The following VPS54 variants were observed in gnomAD, a reference collection of about 807,000 sequenced individuals.
VPS54 encodes the protein vacuolar protein sorting-associated protein 54.
A neutral mutation model predicts 121.5 loss-of-function variants in VPS54; 45 were observed. That is an observed-to-expected ratio of 0.37 (90% CI 0.29 to 0.47). The LOEUF is 0.47. VPS54 is among the 20% of genes least tolerant of loss of function. The pLI is 0.99. For synonymous variants in VPS54, 371 were observed against 385.8 expected (o/e 0.96, Z 0.45); for missense variants, 1,090 against 1,131.4 (o/e 0.96, Z 0.52).
At chr2:63,980,178 G>A (rs1386197877) in intron 3 of VPS54, among the ~76,000 whole-genome samples, 1 of 152,096 alleles carries the variant, frequency 6.6e-6, no homozygotes, top group East Asian at 1.9e-4. Context: ...TTCTTGGTTA[G>A]CTGACCCTTT....
chr2:63,909,725 G>GTTTTTGTTTTTTTTTTTTTTT lies in VPS54; in HGVS notation c.2625+2619_2625+2620insAAAAAAAAAAAAAAACAAAAA, dbSNP rs747731456. ...AAGCGACCTCGCCTGGCCGTTTTTG[G>GTTTTTGTTTTTTTTTTTTTTT]TTTTTTTTTTTTTTTTGAGACAGAG... is the stretch of plus-strand genomic sequence containing the variant. On this transcript the variant is annotated intron_variant, in intron 20 of 22. Coordinates refer to ENST00000272322, the MANE Select transcript of VPS54 (RefSeq NM_016516.3). Among the ~76,000 whole-genome samples the GTTTTTGTTTTTTTTTTTTTTT allele has an allele frequency of 8.7e-5, 10 of 115,246 alleles. 1 individual carries two copies. Among genetic ancestry groups the GTTTTTGTTTTTTTTTTTTTTT allele is most frequent in the Non-Finnish European group, 1.8e-4 (10 of 55,532 alleles). 75.6% of individuals were successfully genotyped at this position (115,246 alleles called of 152,430 possible).
intron 3 of VPS54, chr2:63,974,888 T>G (rs1253177821): frequency 2.3e-5 from 30 of 1,320,256 alleles, no homozygotes; most frequent in Non-Finnish European, 3.1e-5. Flanking sequence ...CAGTTTTACT[T>G]CTTCCTAATT....
In VPS54 at chr2:63,923,919, C is replaced by T. The variant is rs184962082; in HGVS notation, c.1740-2584G>A. Among the ~76,000 whole-genome samples the T allele has an allele frequency of 2.6e-5, 4 of 152,236 alleles. No individual in the cohort carries two copies. In the East Asian group the frequency reaches 5.8e-4, roughly 22 times the overall value. On this transcript the variant is annotated intron_variant, in intron 12 of 22. Transcript: ENST00000272322. ...CACTTGCTACAGGAATAGTCAGAGC[C>T]GTTGTATGAAAGAACTAGTTAGACT...
intron 1 of VPS54, among the ~76,000 whole-genome samples, chr2:64,003,729 T>A (rs1203148366): frequency 2.6e-5 from 4 of 152,198 alleles, no homozygotes; most frequent in East Asian, 3.9e-4. Context: ...AAAAAAAGGA[T>A]TTCCAAGGAT....
At chr2:63,954,217 G>A (rs976154430) in intron 7 of VPS54, among the ~76,000 whole-genome samples, 3 of 152,058 alleles carry the variant, frequency 2.0e-5, no homozygotes, top group Admixed American at 1.3e-4. Context: ...CACAAAGTAA[G>A]AAAACTGTCA....
chr2:63,893,582 T>A lies in VPS54; in HGVS notation c.2829-47A>T, dbSNP rs753336713. The A allele has an allele frequency of 6.5e-7, 1 of 1,536,842 alleles. No homozygotes were observed. The highest frequency in any genetic ancestry group is 2.3e-5 in the East Asian group (1 of 44,420). On this transcript the variant is annotated intron_variant, in intron 22 of 22. Transcript: ENST00000272322. ...ATTTTTTAAATCTCAAACTTTCTATTCAGATAATTAAAGTAACAGTGCTCA... is the reference window on the plus strand; with the variant it reads ...ATTTTTTAAATCTCAAACTTTCTATACAGATAATTAAAGTAACAGTGCTCA...
intron 13 of VPS54, 117 bp from the exon 14 acceptor site, chr2:63,920,744 A>G: frequency 1.8e-6 from 1 of 552,396 alleles, no homozygotes; most frequent in East Asian, 4.4e-5. Context: ...ATATTTCCCA[A>G]TACTTCAGAC....
At chr2:63,942,382 T>G in intron 11 of VPS54, 83 bp downstream of exon 11, 1 of 942,758 alleles carries the variant, frequency 1.1e-6, no homozygotes. Context: ...TTATTCTAGT[T>G]TGAGTCTTTA....
chr2:63,924,327 G>C (rs75689842), intron 12 of VPS54, among the ~76,000 whole-genome samples: 2,005 of 152,318 alleles, frequency 0.013, 59 homozygotes, highest in African/African-American at 0.046. Flanking sequence ...TGGCCACTAG[G>C]ATGTGAGTGG....
intron 4 of VPS54, among the ~76,000 whole-genome samples, chr2:63,970,733 G>A (rs1234545053): frequency 6.6e-6 from 1 of 151,998 alleles, no homozygotes; most frequent in Non-Finnish European, 1.5e-5. Flanking sequence ...CTATCTCTCT[G>A]ACCACTTTTT....
chr2:63,948,676 C>G (rs949236601), intron 8 of VPS54, among the ~76,000 whole-genome samples: 6 of 152,132 alleles, frequency 3.9e-5, no homozygotes, highest in Non-Finnish European at 1.5e-5. Context: ...GCTGGGATTA[C>G]AGGCATGGAG....
intron 5 of VPS54, among the ~76,000 whole-genome samples, chr2:63,968,044 A>C (rs1676091402): frequency 2.6e-5 from 4 of 152,186 alleles, no homozygotes; most frequent in Admixed American, 2.0e-4. Flanking sequence ...CTTAAATGAC[A>C]AACTTTGAGT....
Position 63,947,349 on chromosome 2 carries a change from G to A in VPS54, c.1245+34C>T, listed in dbSNP as rs552172806. ...AAAAATAAACTTCACAAAGGTTCCA[G>A]ACCAAAATATGTCAAATAAAAATGC... On this transcript the variant is annotated intron_variant, in intron 9 of 22. Transcript: ENST00000272322. 22 of 1,497,806 alleles carry A rather than the reference G, an allele frequency of 1.5e-5. 1 individual carries two copies. The South Asian group carries it at 2.4e-4, about 17-fold the overall frequency. The allele number at this position is 1,497,806 out of a possible 1,614,324, so 92.8% of individuals were successfully genotyped here.
chr2:63,953,084 C>G (rs1303581974), intron 7 of VPS54, among the ~76,000 whole-genome samples: 1 of 150,734 alleles, frequency 6.6e-6, no homozygotes, highest in East Asian at 1.9e-4. Flanking sequence ...CCTCTAGAAG[C>G]CTTTTCTAAT....
chr2:63,943,604 A>T (rs1674836388), intron 10 of VPS54, among the ~76,000 whole-genome samples: 1 of 152,226 alleles, frequency 6.6e-6, no homozygotes, highest in African/African-American at 2.4e-5. Flanking sequence ...ATTGCTAGTC[A>T]TATCTAAGCC....
intron 3 of VPS54, among the ~76,000 whole-genome samples, chr2:63,974,437 T>C (rs1676425609): frequency 6.6e-6 from 1 of 152,202 alleles, no homozygotes. Context: ...TGGGTCTTTT[T>C]CTATATAAGC....
chr2:64,019,064 C>A lies in VPS54; in HGVS notation c.-147G>T. ...CCCGGCGCCCGGCCGGGCCCGAGCC[C>A]GGGTTCCCGCCCCCGCCCCGCGCCC... is the stretch of plus-strand genomic sequence containing the variant. On this transcript the variant is annotated 5_prime_UTR_variant, in exon 1 of 23. Coordinates refer to ENST00000272322, the MANE Select transcript of VPS54 (RefSeq NM_016516.3). The A allele has an allele frequency of 6.6e-6, 1 of 150,862 alleles. No individual in the cohort carries two copies. The highest frequency in any genetic ancestry group is 1.8e-4 in the South Asian group (1 of 5,510). The allele number at this position is 150,862 out of a possible 1,614,324, so 9.3% of individuals were successfully genotyped here.
chr2:64,005,794 G>T (rs1678116557), intron 1 of VPS54, among the ~76,000 whole-genome samples: 1 of 152,176 alleles, frequency 6.6e-6, no homozygotes, highest in African/African-American at 2.4e-5. Context: ...TTAAAATAAA[G>T]ATGTAATTTT....
Position 63,903,146 on chromosome 2 carries a change from C to T in VPS54, c.2626-3565G>A, listed in dbSNP as rs567137213. 3.0e-4 allele frequency among the ~76,000 whole-genome samples: 45 copies of T among 152,182 alleles called. No individual in the cohort carries two copies. In the South Asian group the frequency reaches 6.4e-3, roughly 22 times the overall value. On this transcript the variant is annotated intron_variant, in intron 20 of 22. Transcript: ENST00000272322. The stretch of plus-strand genomic sequence containing the variant: ...AGTGCAGAAGAAACTCAAGCATGAT[C>T]AAAAACACACAGAACTTAGACACAT...
Sources: gnomAD v4.1 joint callset for allele counts (sites outside exome capture counted in the v4.1 genomes callset) on GRCh38, gnomAD v4.1.1 for gene constraint, MANE v1.5 for transcripts, NCBI Gene and HGNC (gene_info 2026-07-23, HGNC 2026-07-21) for gene names.